The following RALY variants were observed in gnomAD, a reference collection of about 807,000 sequenced individuals.
RALY encodes the protein RALY heterogeneous nuclear ribonucleoprotein.
A neutral mutation model predicts 30.7 loss-of-function variants in RALY; 15 were observed. That is an observed-to-expected ratio of 0.49 (90% confidence interval 0.33 to 0.75). The LOEUF (loss-of-function observed/expected upper bound fraction) is 0.75. Ranked by LOEUF, RALY falls within the 30% of genes least tolerant of loss-of-function variation. The pLI is 0.02. For missense variants in RALY, 339 were observed against 414.3 expected, an observed-to-expected ratio of 0.82 and a Z score of 1.58; for synonymous variants, 177 against 170.8, an observed-to-expected ratio of 1.04 and a Z score of -0.28.
intron 4 of RALY, 49 bp from the exon 5 acceptor site, chr20:34,073,770 G>A: frequency 6.3e-7 from 1 of 1,598,174 alleles, no homozygotes; most frequent in East Asian, 2.2e-5. Flanking sequence ...TGGAAAGTGG[G>A]CTGAGTGGCC....
intron 3 of RALY, among the ~76,000 whole-genome samples, chr20:34,073,165 T>G (rs1220169526): frequency 6.6e-6 from 1 of 152,082 alleles, no homozygotes; most frequent in Non-Finnish European, 1.5e-5. Context: ...TGTGTGTGAG[T>G]TTCTTACCTG....
Position 34,077,549 on chromosome 20 carries a change from C to T in RALY, c.876+304C>T, listed in dbSNP as rs570481800. 4.4e-5 allele frequency: 22 copies of T among 497,918 alleles called. No individual in the cohort carries two copies. In the East Asian group the frequency reaches 9.0e-4, roughly 20 times the overall value. 30.8% of individuals were successfully genotyped at this position (497,918 alleles called of 1,614,324 possible). A position where few individuals can be genotyped will look rare whatever the true frequency, so the allele number is the denominator to read the frequency against. On this transcript the variant is annotated intron_variant, in intron 8 of 9. Coordinates refer to ENST00000246194, the MANE Select transcript of RALY (RefSeq NM_016732.3). ...TTCGGACATAAGGGAGCACACACGGCCTGCAGAGCTTCAGAGCAGGGCTGG... is the reference window on the plus strand; with the variant it reads ...TTCGGACATAAGGGAGCACACACGGTCTGCAGAGCTTCAGAGCAGGGCTGG...
At chr20:34,041,225 A>C (rs2032688163) in intron 2 of RALY, among the ~76,000 whole-genome samples, 1 of 152,212 alleles carries the variant, frequency 6.6e-6, no homozygotes, top group Non-Finnish European at 1.5e-5. Flanking sequence ...AAGGAAAGGG[A>C]AAGGGTCTGT....
In RALY at chr20:33,998,621, T is replaced by G. The variant is rs552028519; in HGVS notation, c.-93+4490T>G. 4.2e-4 allele frequency among the ~76,000 whole-genome samples: 64 copies of G among 152,242 alleles called. 1 individual carries two copies. The highest frequency in any genetic ancestry group is 6.8e-3 in the Middle Eastern group (2 of 294). Reference sequence around the variant, plus strand: ...GCAGAGGCCAAGTCAGGAAAGGGCCTTCTTGCCTGTGTTGAGGAGTTTGGA... The same window carrying G: ...GCAGAGGCCAAGTCAGGAAAGGGCCGTCTTGCCTGTGTTGAGGAGTTTGGA... On this transcript the variant is annotated intron_variant, in intron 1 of 9. Coordinates refer to ENST00000246194, the MANE Select transcript of RALY (RefSeq NM_016732.3).
intron 8 of RALY, 66 bp downstream of exon 8, chr20:34,077,311 G>A: frequency 1.3e-6 from 2 of 1,595,934 alleles, no homozygotes; most frequent in South Asian, 2.2e-5. Context: ...GGCCAACAGG[G>A]GAATGGGCAG....
chr20:33,996,073 T>C (rs1406903919), intron 1 of RALY, among the ~76,000 whole-genome samples: 6 of 152,256 alleles, frequency 3.9e-5, no homozygotes, highest in Non-Finnish European at 8.8e-5. Flanking sequence ...ATGGCTTATA[T>C]ACTCTTCCAT....
chr20:34,037,842 T>C (rs1370864884), intron 2 of RALY, among the ~76,000 whole-genome samples: 1 of 152,142 alleles, frequency 6.6e-6, no homozygotes, highest in African/African-American at 2.4e-5. Flanking sequence ...GTGGACCTGA[T>C]AGCTTAGAAA....
Position 34,084,558 on chromosome 20 carries a change from CTG to C in RALY, c.*4656_*4657del, listed in dbSNP as rs1243214601. ...TCCTATCCTCGCCTTTATCTAAACT[CTG>C]TGACCGATCAATAGCATATGATGGT... On this transcript the variant is annotated 3_prime_UTR_variant, in exon 10 of 10. Coordinates refer to ENST00000246194, the MANE Select transcript of RALY (RefSeq NM_016732.3). The C allele has an allele frequency of 1.3e-5, 2 of 152,288 alleles. No individual in the cohort carries two copies. The highest frequency in any genetic ancestry group is 2.9e-5 in the Non-Finnish European group (2 of 68,062). The allele number at this position is 152,288 out of a possible 1,614,324, so 9.4% of individuals were successfully genotyped here.
intron 1 of RALY, among the ~76,000 whole-genome samples, chr20:33,998,889 G>A (rs1345045900): frequency 6.6e-6 from 1 of 152,044 alleles, no homozygotes; most frequent in African/African-American, 2.4e-5. Context: ...CACTTTGGGA[G>A]GCTGAGGTGG....
intron 1 of RALY, among the ~76,000 whole-genome samples, chr20:34,030,560 G>A (rs571220861): frequency 6.6e-6 from 1 of 152,216 alleles, no homozygotes; most frequent in Non-Finnish European, 1.5e-5. Context: ...GAATCCAGGT[G>A]ATCTAAGCCT....
At chr20:34,024,238 G>A (rs2031935522) in intron 1 of RALY, among the ~76,000 whole-genome samples, 1 of 152,168 alleles carries the variant, frequency 6.6e-6, no homozygotes, top group Non-Finnish European at 1.5e-5. Context: ...TGTCTGGTCG[G>A]AGCTTTGGTG....
intron 2 of RALY, among the ~76,000 whole-genome samples, chr20:34,059,948 C>G (rs1201677140): frequency 1.3e-5 from 2 of 152,202 alleles, no homozygotes; most frequent in African/African-American, 2.4e-5. Context: ...CGTCCTCTTC[C>G]ACCTAATTTC....
intron 2 of RALY, among the ~76,000 whole-genome samples, chr20:34,058,377 T>C (rs1462672420): frequency 1.3e-5 from 2 of 152,120 alleles, no homozygotes; most frequent in African/African-American, 4.8e-5. Flanking sequence ...ACACCAAGTT[T>C]ATTAATGATG....
intron 1 of RALY, among the ~76,000 whole-genome samples, chr20:34,030,291 A>G (rs1465749545): frequency 6.6e-6 from 1 of 152,196 alleles, no homozygotes; most frequent in African/African-American, 2.4e-5. Flanking sequence ...CTGTGCCTCA[A>G]TTTCTCCATT....
intron 1 of RALY, among the ~76,000 whole-genome samples, chr20:33,999,123 CAAAAA>C (rs1039542148): frequency 0.017 from 941 of 54,136 alleles, 9 homozygotes; most frequent in African/African-American, 0.055. Flanking sequence ...GACTCCATCT[CAAAAA>C]AAAAAAAAAA....
chr20:34,034,513 A>G (rs1056848746), intron 2 of RALY, among the ~76,000 whole-genome samples: 3 of 152,284 alleles, frequency 2.0e-5, no homozygotes, highest in East Asian at 1.9e-4. Context: ...AAGCTCCACT[A>G]TTAACTTTTA....
chr20:34,020,553 G>A (rs1428089407), intron 1 of RALY, among the ~76,000 whole-genome samples: 2 of 152,220 alleles, frequency 1.3e-5, no homozygotes, highest in Non-Finnish European at 2.9e-5. Flanking sequence ...TAATGGATTA[G>A]TCAACAGGTG....
At chr20:33,994,822 T>A (rs1305709379) in intron 1 of RALY, among the ~76,000 whole-genome samples, 1 of 152,090 alleles carries the variant, frequency 6.6e-6, no homozygotes, top group East Asian at 1.9e-4. Context: ...AAAGAAGTGT[T>A]TAACACCGAC....
intron 1 of RALY, among the ~76,000 whole-genome samples, chr20:34,007,819 T>TC (rs2031227932): frequency 4.7e-5 from 1 of 21,298 alleles, no homozygotes; most frequent in East Asian, 2.2e-3. Flanking sequence ...AAACTCCGTC[T>TC]CAAAAAAAAA....
Sources: gnomAD v4.1 joint callset for allele counts (sites outside exome capture counted in the v4.1 genomes callset) on GRCh38, gnomAD v4.1.1 for gene constraint, MANE v1.5 for transcripts, NCBI Gene and HGNC (gene_info 2026-07-23, HGNC 2026-07-21) for gene names.